Variants in ZNF395 observed in about 807,000 individuals in gnomAD.
The protein encoded by ZNF395 is HD gene regulatory region-binding protein 2.
A neutral mutation model predicts 57.7 loss-of-function variants in ZNF395; 20 were observed. That is an observed-to-expected ratio of 0.35 (90% confidence interval 0.24 to 0.50). ZNF395 has a LOEUF of 0.50. Ranked by LOEUF, ZNF395 falls within the 20% of genes least tolerant of loss-of-function variation. The pLI is 0.97. For synonymous variants in ZNF395, 295 were observed against 275.9 expected, an observed-to-expected ratio of 1.07 and a Z score of -0.69; for missense variants, 606 against 671.2, an observed-to-expected ratio of 0.90 and a Z score of 1.07.
intron 1 of ZNF395, among the ~76,000 whole-genome samples, chr8:28,381,748 G>C (rs545215939): frequency 6.6e-6 from 1 of 152,232 alleles, no homozygotes; most frequent in South Asian, 2.1e-4. Context: ...CCTCACCAAG[G>C]TATGACCTCG....
Position 28,348,434 on chromosome 8 carries a change from G to A in ZNF395, c.*285C>T. The A allele has an allele frequency of 7.4e-6, 3 of 404,934 alleles. No individual in the cohort carries two copies. The highest frequency in any genetic ancestry group is 4.3e-5 in the South Asian group (2 of 46,192). 25.1% of individuals were successfully genotyped at this position (404,934 alleles called of 1,614,324 possible). On this transcript the variant is annotated 3_prime_UTR_variant, in exon 10 of 10. Transcript: ENST00000344423. ...CTAGAGAGTGGGGATGTGGGAAACG[G>A]AGGGTAATTAATTCTTTGGTCACTG... is the stretch of plus-strand genomic sequence containing the variant.
chr8:28,354,452 T>TA (rs1801755857), intron 4 of ZNF395, among the ~76,000 whole-genome samples: 1 of 152,190 alleles, frequency 6.6e-6, no homozygotes, highest in Admixed American at 6.5e-5. Context: ...CAAGGTCTAC[T>TA]AGCACATCCC....
At position 28,348,437 on chromosome 8, in the gene ZNF395, G is replaced by T; in HGVS notation, c.*282C>A. ...GAGAGTGGGGATGTGGGAAACGGAG[G>T]GTAATTAATTCTTTGGTCACTGGTT... On this transcript the variant is annotated 3_prime_UTR_variant, in exon 10 of 10. Coordinates refer to ENST00000344423, the MANE Select transcript of ZNF395 (RefSeq NM_018660.3). 1 of 407,842 alleles carries T rather than the reference G, an allele frequency of 2.5e-6. No individual in the cohort carries two copies. The highest frequency in any genetic ancestry group is 5.7e-5 in the East Asian group (1 of 17,448). 25.3% of individuals were successfully genotyped at this position (407,842 alleles called of 1,614,324 possible).
At chr8:28,349,755 C>A (rs972356117) in intron 8 of ZNF395, among the ~76,000 whole-genome samples, 1 of 152,224 alleles carries the variant, frequency 6.6e-6, no homozygotes, top group African/African-American at 2.4e-5. Context: ...AAAACACCCA[C>A]GGGCACTAGG....
At chr8:28,363,759 G>A (rs960978517) in intron 1 of ZNF395, among the ~76,000 whole-genome samples, 10 of 152,154 alleles carry the variant, frequency 6.6e-5, no homozygotes, top group East Asian at 1.9e-4. Context: ...TTCAGACGGC[G>A]CCTGAAATGT....
intron 1 of ZNF395, chr8:28,385,373 T>G (rs1802160125): frequency 6.6e-6 from 1 of 151,142 alleles, no homozygotes; most frequent in Admixed American, 6.6e-5. Context: ...GGAAATTGTT[T>G]GCACAAGACA....
rs1437588713 is a variant in ZNF395, at chr8:28,352,805, C to T, written c.820-132G>A. On this transcript the variant is annotated intron_variant, in intron 5 of 9. Coordinates refer to ENST00000344423, the MANE Select transcript of ZNF395 (RefSeq NM_018660.3). The surrounding 1 kb of genome is among the most constrained non-coding windows in gnomAD (Gnocchi z 4.0). ...CAAAAACCTCCAGGAAAGGGGTTCT[C>T]TGGGACCAGAGAAACTTACAACCAG... The T allele has an allele frequency of 2.8e-6, 2 of 710,642 alleles. No individual in the cohort carries two copies. The highest frequency in any genetic ancestry group is 3.6e-5 in the African/African-American group (2 of 56,246). 44.0% of individuals were successfully genotyped at this position (710,642 alleles called of 1,614,324 possible).
At chr8:28,377,326 C>T (rs1365584231) in intron 1 of ZNF395, among the ~76,000 whole-genome samples, 1 of 152,134 alleles carries the variant, frequency 6.6e-6, no homozygotes, top group East Asian at 1.9e-4. Flanking sequence ...ATGCCTCGAG[C>T]CCAGTGGGTC....
intron 1 of ZNF395, chr8:28,365,204 C>A (rs1801896621): frequency 6.6e-6 from 1 of 152,220 alleles, no homozygotes; most frequent in Non-Finnish European, 1.5e-5. Context: ...GCACAAGTAA[C>A]CAAGGGTCTT....
chr8:28,373,613 C>T (rs551491869), intron 1 of ZNF395, among the ~76,000 whole-genome samples: 3 of 152,266 alleles, frequency 2.0e-5, no homozygotes, highest in Non-Finnish European at 4.4e-5. Flanking sequence ...GAGTCCACAA[C>T]GGGCTGCCCG....
rs1801819610 is a variant in ZNF395, at chr8:28,359,355, T to C, written c.473+237A>G. 6.6e-6 allele frequency among the ~76,000 whole-genome samples: 1 copy of C among 152,162 alleles called. No homozygotes were observed. The highest frequency in any genetic ancestry group is 2.1e-4 in the South Asian group (1 of 4,828). ...AGGCAGAGGTTGCAGTGAGCCGAGA[T>C]CATGCCACTGAACTCCAGCCTAGGT... On this transcript the variant is annotated intron_variant, in intron 3 of 9. Coordinates refer to ENST00000344423, the MANE Select transcript of ZNF395 (RefSeq NM_018660.3). The surrounding 1 kb of genome is among the most constrained non-coding windows in gnomAD (Gnocchi z 4.7).
Position 28,361,186 on chromosome 8 carries a change from G to C in ZNF395, c.-58-4C>G, listed in dbSNP as rs1801845447. The C allele has an allele frequency of 6.2e-7, 1 of 1,602,924 alleles. No individual in the cohort carries two copies. Among genetic ancestry groups the C allele is most frequent in the Middle Eastern group, 1.8e-4 (1 of 5,692 alleles). ...CACTGAAGCCTCTGCCCATCACCTG[G>C]GGGAATCAGGAAGCTTTCAGGAGGG... On this transcript the variant is annotated splice_polypyrimidine_tract_variant and splice_region_variant and intron_variant, in intron 1 of 9. Transcript: ENST00000344423.
chr8:28,347,512 T>C lies in ZNF395; in HGVS notation c.*1207A>G, dbSNP rs1052405464. The C allele has an allele frequency of 6.6e-6, 1 of 152,246 alleles. No individual in the cohort carries two copies. Among genetic ancestry groups the C allele is most frequent in the Non-Finnish European group, 1.5e-5 (1 of 68,136 alleles). 9.4% of individuals were successfully genotyped at this position (152,246 alleles called of 1,614,324 possible). On this transcript the variant is annotated 3_prime_UTR_variant, in exon 10 of 10. Transcript: ENST00000344423. ...CCAAGAACAGCTCTGCTTATCGACA[T>C]GCACGCAGCCCAGGCTCCCCTAGAT...
intron 1 of ZNF395, among the ~76,000 whole-genome samples, chr8:28,369,684 C>G (rs1801954357): frequency 6.6e-6 from 1 of 152,256 alleles, no homozygotes; most frequent in Admixed American, 6.5e-5. Context: ...CAAGCCTCCC[C>G]CAGGTGGGGC....
rs898274817 is a variant in ZNF395, at chr8:28,382,359, C to T, written c.-59+4034G>A. Among the ~76,000 whole-genome samples, 9 of 152,164 alleles carry T rather than the reference C, an allele frequency of 5.9e-5. No individual in the cohort carries two copies. In the East Asian group the frequency reaches 1.3e-3, roughly 23 times the overall value. On this transcript the variant is annotated intron_variant, in intron 1 of 9. Transcript: ENST00000344423. ...CCTGGCCACCGGTTTACAACCTTTG[C>T]CCTATATGTGACCCCAGCCCACTTT... is the stretch of plus-strand genomic sequence containing the variant.
At chr8:28,369,970 G>C (rs1801957930) in intron 1 of ZNF395, among the ~76,000 whole-genome samples, 1 of 152,194 alleles carries the variant, frequency 6.6e-6, no homozygotes, top group Non-Finnish European at 1.5e-5. Context: ...GTGTATAAAA[G>C]CACTTAATAC....
intron 1 of ZNF395, among the ~76,000 whole-genome samples, chr8:28,383,728 C>A (rs1000603211): frequency 6.6e-6 from 1 of 152,058 alleles, no homozygotes; most frequent in African/African-American, 2.4e-5. Context: ...TTACCAGCAG[C>A]CTCCCCACTT....
chr8:28,352,690 C>T lies in ZNF395; in HGVS notation c.820-17G>A. On this transcript the variant is annotated splice_polypyrimidine_tract_variant and intron_variant, in intron 5 of 9. Transcript: ENST00000344423. The surrounding 1 kb of genome is among the most constrained non-coding windows in gnomAD (Gnocchi z 4.0). ...CACAGAGTTCTACAGGAAAGGAAGA[C>T]AGGGTGAGTGGATATGTCTTTCTCC... 1 of 1,603,924 alleles carries T rather than the reference C, an allele frequency of 6.2e-7. No homozygotes were observed.
Position 28,361,163 on chromosome 8 carries a change from C to T in ZNF395, c.-39G>A, listed in dbSNP as rs1386771287. 2 of 1,606,902 alleles carry T rather than the reference C, an allele frequency of 1.2e-6. No individual in the cohort carries two copies. Among genetic ancestry groups the T allele is most frequent in the Non-Finnish European group, 8.5e-7 (1 of 1,179,976 alleles). ...CTCTCCTGCGGAGGCGAAGGGGACA[C>T]TGAAGCCTCTGCCCATCACCTGGGG... On this transcript the variant is annotated 5_prime_UTR_variant, in exon 2 of 10. The change creates a new upstream start codon in the 5' untranslated region. Transcript: ENST00000344423.
Sources: gnomAD v4.1 joint callset for allele counts (sites outside exome capture counted in the v4.1 genomes callset) on GRCh38, gnomAD v4.1.1 for gene constraint, Gnocchi (gnomAD v3.1) non-coding constraint, MANE v1.5 for transcripts, NCBI Gene and HGNC (gene_info 2026-07-23, HGNC 2026-07-21) for gene names.